FAH: variants seen among roughly 807,000 people sequenced by gnomAD.
The protein encoded by FAH is fumarylacetoacetate hydrolase, also known as fumarylacetoacetase.
A neutral mutation model predicts 55.8 loss-of-function variants in FAH; 47 were observed. That is an observed-to-expected ratio of 0.84 (90% CI 0.67 to 1.07). The LOEUF (loss-of-function observed/expected upper bound fraction) is 1.07, where lower values mean the gene tolerates loss of function less well. FAH is among the 50% of genes least tolerant of loss of function. FAH has a pLI of 0.00. For missense variants in FAH, 495 were observed against 545.9 expected (o/e 0.91, Z 0.93); for synonymous variants, 199 against 207.7 (o/e 0.96, Z 0.36).
chr15:80,182,472 A>G (rs2041339480), intron 13 of FAH, among the ~76,000 whole-genome samples: 1 of 152,206 alleles, frequency 6.6e-6, no homozygotes, highest in Non-Finnish European at 1.5e-5. Flanking sequence ...GCAGAGCTCA[A>G]AACAGCAGAT....
At chr15:80,186,858 T>C (rs753894615), downstream of FAH, 33 of 159,396 alleles carry the variant, frequency 2.1e-4, no homozygotes, top group Admixed American at 4.1e-4. Flanking sequence ...ACCTAAAAAG[T>C]ACTTTCTTAG....
intron 12 of FAH, among the ~76,000 whole-genome samples, chr15:80,180,522 T>C (rs1235480231): frequency 1.3e-5 from 2 of 152,240 alleles, no homozygotes; most frequent in South Asian, 2.1e-4. Context: ...GTTGTCACCA[T>C]CTCACACTAC....
chr15:80,164,017 C>G (rs2041171211), intron 5 of FAH, among the ~76,000 whole-genome samples: 1 of 152,226 alleles, frequency 6.6e-6, no homozygotes, highest in African/African-American at 2.4e-5. Context: ...GTGTGTCTCA[C>G]TTTTATAAAA....
intron 12 of FAH, among the ~76,000 whole-genome samples, chr15:80,180,723 C>T (rs897882478): frequency 1.1e-4 from 17 of 152,096 alleles, no homozygotes; most frequent in South Asian, 4.1e-4. Flanking sequence ...TTAAGCATCA[C>T]GATATCTGGG....
At chr15:80,165,255 G>A (rs557823622) in intron 5 of FAH, among the ~76,000 whole-genome samples, 19 of 151,950 alleles carry the variant, frequency 1.3e-4, no homozygotes, top group Middle Eastern at 3.4e-3. Flanking sequence ...GCAGCCAGGC[G>A]TGGTGGCTCA....
In FAH at chr15:80,160,516, C is replaced by A. The variant is rs750568221; in HGVS notation, c.364+57C>A. On this transcript the variant is annotated intron_variant, in intron 4 of 13. Transcript: ENST00000561421. ...GGAGCAGCTTCGTGGGCCAAGAGGG[C>A]TGGCCAGGTGCTTTGGTTCTGCATC... 3.9e-6 allele frequency: 6 copies of A among 1,545,124 alleles called. No homozygotes were observed. The Admixed American group carries it at 1.0e-4, about 26-fold the overall frequency.
At chr15:80,180,993 GC>G (rs768109859) in intron 12 of FAH, 48 bp from the exon 13 acceptor site, 1 of 1,493,150 alleles carries the variant, frequency 6.7e-7, no homozygotes, top group African/African-American at 1.4e-5. Context: ...CCATGCCAGA[GC>G]CAAGGCATAA....
intron 1 of FAH, among the ~76,000 whole-genome samples, chr15:80,155,158 A>G (rs2041087531): frequency 6.6e-6 from 1 of 152,084 alleles, no homozygotes; most frequent in Admixed American, 6.5e-5. Context: ...CCCTCTCTGA[A>G]TGAGCTCCCC....
intron 11 of FAH, among the ~76,000 whole-genome samples, chr15:80,178,012 C>G (rs2041298308): frequency 6.6e-6 from 1 of 152,032 alleles, no homozygotes; most frequent in Non-Finnish European, 1.5e-5. Flanking sequence ...CCAGCCTGGG[C>G]AACATAATGA....
rs151017896 is a variant in FAH, at chr15:80,181,150, A to G, written c.1171A>G (p.Ile391Val). The change falls in exon 13 of 14, where the codon ATC becomes GTC. Residue 391 changes from isoleucine to valine, a missense_variant. Ile to Val is a conservative substitution (Grantham distance 29). Transcript: ENST00000561421. ...RKFLLDGDEV[I>V]ITGYCQGDGY... ...GTTTCTGCTGGACGGGGATGAAGTCATCATAACAGGTGAGGGCTGCCAAAC... is the reference window on the plus strand; with the variant it reads ...GTTTCTGCTGGACGGGGATGAAGTCGTCATAACAGGTGAGGGCTGCCAAAC... 6.2e-6 allele frequency: 10 copies of G among 1,610,944 alleles called. No individual in the cohort carries two copies. The highest frequency in any genetic ancestry group is 1.7e-5 in the Admixed American group (1 of 59,984).
At chr15:80,172,539 T>C (rs538417570) in intron 8 of FAH, among the ~76,000 whole-genome samples, 24 of 152,226 alleles carry the variant, frequency 1.6e-4, no homozygotes, top group African/African-American at 5.8e-4. Flanking sequence ...TCGTATATTC[T>C]CCCGCTGATC....
At chr15:80,153,176 T>TGGAGG (rs777902403) in intron 1 of FAH, 41 bp downstream of exon 1, 1 of 416,056 alleles carries the variant, frequency 2.4e-6, no homozygotes, top group African/African-American at 2.4e-5. Context: ...GGGGAGGGAG[T>TGGAGG]GGAGTGGAGT....
At chr15:80,165,323 G>A (rs969488302) in intron 5 of FAH, among the ~76,000 whole-genome samples, 4 of 152,202 alleles carry the variant, frequency 2.6e-5, no homozygotes, top group African/African-American at 9.7e-5. Context: ...GAGGTCAGGA[G>A]TTTGAGACCA....
rs1259117868 is a variant in FAH at position 80,181,748 on chromosome 15, TA to T, written c.1180+590del. Among the ~76,000 whole-genome samples, 30 of 152,238 alleles carry T rather than the reference TA, an allele frequency of 2.0e-4. 1 individual carries two copies. Among genetic ancestry groups the T allele is most frequent in the Admixed American group, 8.5e-4 (13 of 15,290 alleles). On this transcript the variant is annotated intron_variant, in intron 13 of 13. Coordinates refer to ENST00000561421, the MANE Select transcript of FAH (RefSeq NM_000137.4). ...AGACTCAGTTTACCTCATCTTTAAT[TA>T]TTTTTTTTGTTTTTGAGTCGGAGTC...
At chr15:80,170,884 A>G (rs2041234939) in intron 7 of FAH, among the ~76,000 whole-genome samples, 2 of 151,928 alleles carry the variant, frequency 1.3e-5, no homozygotes, top group Admixed American at 1.3e-4. Flanking sequence ...ATTTTCCCAA[A>G]TTTTTCTTTC....
intron 1 of FAH, among the ~76,000 whole-genome samples, chr15:80,154,711 T>G (rs1212954229): frequency 6.6e-6 from 1 of 152,150 alleles, no homozygotes; most frequent in Non-Finnish European, 1.5e-5. Context: ...ATCACTTTAT[T>G]CATTTTTTTT....
At chr15:80,155,721 G>T (rs1050673560) in intron 1 of FAH, among the ~76,000 whole-genome samples, 2 of 152,104 alleles carry the variant, frequency 1.3e-5, no homozygotes, top group African/African-American at 4.8e-5. Flanking sequence ...AAGACAAGGG[G>T]GGCAGGGTAG....
In FAH at chr15:80,185,839, C is replaced by T. The variant is rs142376640; in HGVS notation, c.1181-291C>T. Among the ~76,000 whole-genome samples the T allele has an allele frequency of 6.7e-4, 102 of 152,200 alleles. No individual in the cohort carries two copies. In the East Asian group the frequency reaches 0.02, roughly 29 times the overall value. On this transcript the variant is annotated intron_variant, in intron 13 of 13. Coordinates refer to ENST00000561421, the MANE Select transcript of FAH (RefSeq NM_000137.4). ...AGCTATAATTCAAAATGAGGTTTGG[C>T]GGGGGACAGAGCCAAACCATATTAG... is the stretch of plus-strand genomic sequence containing the variant.
intron 1 of FAH, 180 bp from the exon 2 acceptor site, chr15:80,157,880 G>A (rs1567114172): frequency 2.7e-5 from 17 of 638,842 alleles, no homozygotes; most frequent in Middle Eastern, 4.2e-4. Context: ...AGTTCTGGAA[G>A]CAGAGATGGC....
Sources: allele counts gnomAD v4.1 joint callset (sites outside exome capture counted in the v4.1 genomes callset), GRCh38; gene constraint gnomAD v4.1.1; transcripts MANE v1.5; gene names NCBI Gene and HGNC (gene_info 2026-07-23, HGNC 2026-07-21).